FRZB: variants seen among roughly 807,000 people sequenced by gnomAD.
The protein encoded by FRZB is secreted frizzled-related protein 3.
A neutral mutation model predicts 32.5 loss-of-function variants in FRZB; 34 were observed. That is an observed-to-expected ratio of 1.05 (90% CI 0.80 to 1.39). FRZB has a LOEUF of 1.39. FRZB is among the 40% of genes most tolerant of loss of function. The probability of loss-of-function intolerance (pLI) is 0.00; values close to 1 mark genes in which losing one functional copy is unlikely to be tolerated. For synonymous variants in FRZB, 170 were observed against 159.2 expected, an observed-to-expected ratio of 1.07 and a Z score of -0.51; for missense variants, 423 against 424.8, an observed-to-expected ratio of 1.00 and a Z score of 0.04.
chr2:182,853,029 C>T (rs1272541509), intron 2 of FRZB, among the ~76,000 whole-genome samples: 3 of 151,606 alleles, frequency 2.0e-5, no homozygotes, highest in Non-Finnish European at 4.4e-5. Flanking sequence ...TTATCATGAT[C>T]AACCTCAGCT....
At chr2:182,839,458 T>C (rs1695563499) in intron 3 of FRZB, among the ~76,000 whole-genome samples, 1 of 152,074 alleles carries the variant, frequency 6.6e-6, no homozygotes, top group African/African-American at 2.4e-5. Context: ...CTATGGAATA[T>C]ATTCTCACGT....
chr2:182,859,464 T>G (rs182571404), intron 1 of FRZB, among the ~76,000 whole-genome samples: 10 of 152,272 alleles, frequency 6.6e-5, no homozygotes, highest in African/African-American at 2.4e-4. Context: ...TGTGTTCTAA[T>G]TAAGAAAGCA....
intron 1 of FRZB, among the ~76,000 whole-genome samples, chr2:182,859,972 C>G (rs1245984995): frequency 6.6e-6 from 1 of 152,100 alleles, no homozygotes; most frequent in African/African-American, 2.4e-5. Flanking sequence ...AGTGGTTTTT[C>G]TATTTCTGAA....
chr2:182,843,674 T>C (rs1392257273), intron 2 of FRZB, among the ~76,000 whole-genome samples: 1 of 152,182 alleles, frequency 6.6e-6, no homozygotes, highest in African/African-American at 2.4e-5. Flanking sequence ...ATCCCAGCAC[T>C]CACTTTGGGA....
Position 182,838,591 on chromosome 2 carries a change from C to T in FRZB, c.615G>A (p.Glu205=), listed in dbSNP as rs750993321. Residue 205 remains glutamate, a synonymous_variant, in exon 4 of 6, where the codon GAG becomes GAA. Transcript: ENST00000295113. ...TCACATCATGGCACTTAGTCTTTAT[C>T]TCTTTAACTTTAGCCCGAATGACTG... ...YNYVIRAKVK[E]IKTKCHDVTA... 1.9e-6 allele frequency: 3 copies of T among 1,612,592 alleles called. No homozygotes were observed. The highest frequency in any genetic ancestry group is 2.5e-6 in the Non-Finnish European group (3 of 1,178,958).
At chr2:182,851,818 A>T (rs903930151) in intron 2 of FRZB, among the ~76,000 whole-genome samples, 1 of 152,174 alleles carries the variant, frequency 6.6e-6, no homozygotes, top group Non-Finnish European at 1.5e-5. Context: ...AATTCAGCCT[A>T]TGTAGCTTGA....
intron 1 of FRZB, among the ~76,000 whole-genome samples, chr2:182,859,034 A>G (rs572944131): frequency 6.6e-6 from 1 of 152,214 alleles, no homozygotes; most frequent in East Asian, 1.9e-4. Context: ...TCATGTGGTT[A>G]TAAGGAAATA....
chr2:182,853,892 T>C (rs1448061047), intron 2 of FRZB, among the ~76,000 whole-genome samples: 1 of 152,176 alleles, frequency 6.6e-6, no homozygotes, highest in Non-Finnish European at 1.5e-5. Flanking sequence ...TTAGTCATTG[T>C]AACAAAAACT....
At chr2:182,861,315 T>A (rs1460212409) in intron 1 of FRZB, among the ~76,000 whole-genome samples, 1 of 152,224 alleles carries the variant, frequency 6.6e-6, no homozygotes, top group Admixed American at 6.5e-5. Flanking sequence ...ACTTGGACAG[T>A]AACTTAGCTT....
intron 5 of FRZB, among the ~76,000 whole-genome samples, chr2:182,835,600 A>C (rs1438033398): frequency 1.3e-5 from 2 of 152,148 alleles, no homozygotes; most frequent in African/African-American, 4.8e-5. Flanking sequence ...CATATTAACA[A>C]TGTCAATAAT....
intron 2 of FRZB, among the ~76,000 whole-genome samples, chr2:182,857,945 C>T (rs1465932112): frequency 1.3e-5 from 2 of 152,086 alleles, no homozygotes; most frequent in Non-Finnish European, 2.9e-5. Flanking sequence ...CAATTTAAAA[C>T]CATGATGAGC....
At chr2:182,849,911 T>C (rs1695691228) in intron 2 of FRZB, among the ~76,000 whole-genome samples, 1 of 152,186 alleles carries the variant, frequency 6.6e-6, no homozygotes, top group Non-Finnish European at 1.5e-5. Flanking sequence ...AAGTGTTGTT[T>C]TGAGATAGAC....
At chr2:182,844,665 T>C (rs1467516432) in intron 2 of FRZB, among the ~76,000 whole-genome samples, 1 of 152,220 alleles carries the variant, frequency 6.6e-6, no homozygotes, top group East Asian at 1.9e-4. Flanking sequence ...GTTACTTACA[T>C]ATCTTTGCTT....
intron 1 of FRZB, among the ~76,000 whole-genome samples, chr2:182,864,774 C>A (rs773668945): frequency 6.6e-6 from 1 of 151,984 alleles, no homozygotes; most frequent in Non-Finnish European, 1.5e-5. Flanking sequence ...TGGGGACATG[C>A]GCCTAGACTG....
chr2:182,858,938 T>C (rs1695800522), intron 1 of FRZB, 105 bp from the exon 2 acceptor site: 4 of 929,148 alleles, frequency 4.3e-6, no homozygotes, highest in East Asian at 4.8e-5. Context: ...AAGAATCCAA[T>C]TGTCTGAAGG....
chr2:182,863,692 A>G (rs963014575), intron 1 of FRZB, among the ~76,000 whole-genome samples: 1 of 151,952 alleles, frequency 6.6e-6, no homozygotes, highest in Non-Finnish European at 1.5e-5. Flanking sequence ...TAAGAAAAAA[A>G]CCTTGCTTTG....
intron 1 of FRZB, among the ~76,000 whole-genome samples, chr2:182,863,016 C>T (rs543359434): frequency 1.3e-5 from 2 of 152,120 alleles, no homozygotes; most frequent in East Asian, 1.9e-4. Flanking sequence ...GTGATCCACC[C>T]GCCTCGGCCT....
In FRZB at chr2:182,849,101, C is replaced by A. The variant is rs562751330; in HGVS notation, c.527-6558G>T. ...AATTAGCCGGGCGTGGTGGCAAGTG[C>A]CTGTAGTCCCAGCTACTCGGGAGGC... On this transcript the variant is annotated intron_variant, in intron 2 of 5. Transcript: ENST00000295113. 3.9e-5 allele frequency among the ~76,000 whole-genome samples: 6 copies of A among 152,150 alleles called. 1 individual carries two copies. The highest frequency in any genetic ancestry group is 1.4e-4 in the African/African-American group (6 of 41,486).
At chr2:182,847,472 G>A (rs1695657159) in intron 2 of FRZB, among the ~76,000 whole-genome samples, 1 of 152,184 alleles carries the variant, frequency 6.6e-6, no homozygotes, top group South Asian at 2.1e-4. Context: ...GCTAAAATGA[G>A]TTCAGAGAGA....
Sources: allele counts gnomAD v4.1 joint callset (sites outside exome capture counted in the v4.1 genomes callset), GRCh38; gene constraint gnomAD v4.1.1; transcripts MANE v1.5; gene names NCBI Gene and HGNC (gene_info 2026-07-23, HGNC 2026-07-21).